EPHA7: variants seen among roughly 807,000 people sequenced by gnomAD.
EPHA7 encodes the protein EPH receptor A7.
A neutral mutation model predicts 112.6 loss-of-function variants in EPHA7; 25 were observed. The observed-to-expected ratio is 0.22, with a 90% confidence interval of 0.16 to 0.31. The LOEUF is 0.31. Ranked by LOEUF, EPHA7 falls within the 10% of genes least tolerant of loss-of-function variation. The pLI, the probability that EPHA7 is intolerant of heterozygous loss-of-function variation, is 1.00. For missense variants in EPHA7, 962 were observed against 1,212.6 expected, an observed-to-expected ratio of 0.79 and a Z score of 3.07; for synonymous variants, 437 against 406.5, an observed-to-expected ratio of 1.07 and a Z score of -0.90.
chr6:93,256,766 T>C (rs345732), intron 12 of EPHA7, among the ~76,000 whole-genome samples: 4,225 of 152,202 alleles, frequency 0.028, 178 homozygotes, highest in African/African-American at 0.096. Flanking sequence ...ATCATGATGA[T>C]GCAGCAATAA....
chr6:93,412,227 T>C (rs1462170791), intron 2 of EPHA7, among the ~76,000 whole-genome samples: 1 of 152,038 alleles, frequency 6.6e-6, no homozygotes, highest in Non-Finnish European at 1.5e-5. Context: ...AAAATTCAAA[T>C]ACAAAACATT....
chr6:93,405,813 G>GTGTGTATATATATA lies in EPHA7; in HGVS notation c.832+4687_832+4688insTATATATATACACA, dbSNP rs1357089640. Among the ~76,000 whole-genome samples the GTGTGTATATATATA allele has an allele frequency of 5.4e-5, 4 of 73,982 alleles. No homozygotes were observed. The East Asian group carries it at 1.8e-3, about 34-fold the overall frequency. The allele number at this position is 73,982 out of a possible 152,430, so 48.5% of individuals were successfully genotyped here. On this transcript the variant is annotated intron_variant, in intron 3 of 16. Coordinates refer to ENST00000369303, the MANE Select transcript of EPHA7 (RefSeq NM_004440.4). ...TGTGTGTGTGTGTGTGTGTGTGTGTGTATATATATATATATATATATATAT... is the reference window on the plus strand; with the variant it reads ...TGTGTGTGTGTGTGTGTGTGTGTGTGTGTGTATATATATATATATATATATATATATATATATAT...
At chr6:93,354,900 A>C (rs573665365) in intron 5 of EPHA7, among the ~76,000 whole-genome samples, 1 of 152,274 alleles carries the variant, frequency 6.6e-6, no homozygotes, top group Non-Finnish European at 1.5e-5. Context: ...ATTCAAAAAT[A>C]AAAATGTCAC....
Position 93,419,439 on chromosome 6 carries a change from T to G in EPHA7, c.-98A>C. ...AGTAGCTTTTGTTTTATTGTGCTCC[T>G]TGCATCGATTCCCCTTCTCGGTCCC... On this transcript the variant is annotated 5_prime_UTR_variant, in exon 1 of 17. Transcript: ENST00000369303. The G allele has an allele frequency of 1.1e-6, 1 of 919,806 alleles. No individual in the cohort carries two copies. Among genetic ancestry groups the G allele is most frequent in the Non-Finnish European group, 1.7e-6 (1 of 600,412 alleles). The allele number at this position is 919,806 out of a possible 1,614,324, so 57.0% of individuals were successfully genotyped here.
intron 5 of EPHA7, among the ~76,000 whole-genome samples, chr6:93,336,128 T>C (rs1264005720): frequency 2.0e-5 from 3 of 152,104 alleles, no homozygotes. Context: ...AGCCTACTGC[T>C]ACCCTACTAC....
At chr6:93,256,098 C>T (rs1453765227) in intron 12 of EPHA7, 61 bp from the exon 13 acceptor site, 3 of 1,471,370 alleles carry the variant, frequency 2.0e-6, no homozygotes, top group Non-Finnish European at 1.9e-6. Context: ...ACAAAAATCA[C>T]CATGAAAAAT....
intron 5 of EPHA7, among the ~76,000 whole-genome samples, chr6:93,345,356 A>G (rs190077298): frequency 2.0e-5 from 3 of 151,880 alleles, no homozygotes; most frequent in Admixed American, 6.6e-5. Context: ...TAAGAACTGC[A>G]TGCTTTAAAG....
At chr6:93,266,856 T>G (rs1770965404) in intron 7 of EPHA7, among the ~76,000 whole-genome samples, 1 of 151,768 alleles carries the variant, frequency 6.6e-6, no homozygotes, top group Non-Finnish European at 1.5e-5. Context: ...TGTGTGTTTC[T>G]GTGCCTCCTT....
At chr6:93,306,270 A>G (rs1244090290) in intron 5 of EPHA7, among the ~76,000 whole-genome samples, 2 of 151,996 alleles carry the variant, frequency 1.3e-5, no homozygotes, top group African/African-American at 4.8e-5. Flanking sequence ...TTTACATTTT[A>G]TCTCACTTAA....
chr6:93,367,962 A>G (rs1776597961), intron 3 of EPHA7, among the ~76,000 whole-genome samples: 1 of 152,112 alleles, frequency 6.6e-6, no homozygotes, highest in Non-Finnish European at 1.5e-5. Context: ...TAAGAAATAC[A>G]AATTAGTTAT....
intron 3 of EPHA7, among the ~76,000 whole-genome samples, chr6:93,377,475 A>G (rs975800554): frequency 6.6e-6 from 1 of 152,036 alleles, no homozygotes; most frequent in Non-Finnish European, 1.5e-5. Flanking sequence ...GGTTTTCTTC[A>G]AAGTTCCCTA....
rs781137886 is a variant in EPHA7 at position 93,246,773 on chromosome 6, T to A, written c.2726+19A>T. On this transcript the variant is annotated intron_variant, in intron 15 of 16. Transcript: ENST00000369303. ...TATTGTAATTTCTCCCAGATTCCATTCCCTTAGGCATTTCTTACCTACTAC... is the reference window on the plus strand; with the variant it reads ...TATTGTAATTTCTCCCAGATTCCATACCCTTAGGCATTTCTTACCTACTAC... 6.4e-7 allele frequency: 1 copy of A among 1,571,278 alleles called. No homozygotes were observed. Among genetic ancestry groups the A allele is most frequent in the African/African-American group, 1.4e-5 (1 of 73,952 alleles).
In EPHA7 at chr6:93,257,461, C is replaced by T; in HGVS notation, c.2172+1G>A. 1.2e-6 allele frequency: 2 copies of T among 1,606,600 alleles called. No homozygotes were observed. The highest frequency in any genetic ancestry group is 1.7e-6 in the Non-Finnish European group (2 of 1,174,666). Reference sequence around the variant, plus strand: ...AATAAGTGGATCACTTTGGTACTTACCCTGAGAAATGCATCTAGGGCTCCA... The same window carrying T: ...AATAAGTGGATCACTTTGGTACTTATCCTGAGAAATGCATCTAGGGCTCCA... On this transcript the variant is annotated splice_donor_variant, in intron 12 of 16. Transcript: ENST00000369303. LOFTEE classifies it high-confidence loss of function.
chr6:93,303,753 T>G (rs1164607298), intron 5 of EPHA7, among the ~76,000 whole-genome samples: 1 of 152,118 alleles, frequency 6.6e-6, no homozygotes, highest in African/African-American at 2.4e-5. Context: ...TATAAAATGA[T>G]AGGTGAAGTT....
intron 3 of EPHA7, among the ~76,000 whole-genome samples, chr6:93,387,948 T>C (rs968839288): frequency 1.5e-4 from 22 of 151,642 alleles, no homozygotes; most frequent in African/African-American, 3.6e-4. Context: ...GATAGATAGA[T>C]AGATAGATAG....
At chr6:93,383,876 C>A (rs1777472660) in intron 3 of EPHA7, among the ~76,000 whole-genome samples, 1 of 152,032 alleles carries the variant, frequency 6.6e-6, no homozygotes. Context: ...TTTGTACAGA[C>A]AAGGTCTTGC....
intron 3 of EPHA7, among the ~76,000 whole-genome samples, chr6:93,360,827 T>G (rs1776226047): frequency 6.6e-6 from 1 of 152,060 alleles, no homozygotes; most frequent in Non-Finnish European, 1.5e-5. Flanking sequence ...TTGTCTAGGA[T>G]AAAACTGGAT....
intron 3 of EPHA7, among the ~76,000 whole-genome samples, chr6:93,370,735 G>A (rs1776747091): frequency 6.6e-6 from 1 of 151,860 alleles, no homozygotes; most frequent in South Asian, 2.1e-4. Context: ...ACCTATGGAG[G>A]GGCACGACAA....
chr6:93,294,051 G>A (rs1036297680), intron 5 of EPHA7, among the ~76,000 whole-genome samples: 2 of 152,030 alleles, frequency 1.3e-5, no homozygotes, highest in Non-Finnish European at 1.5e-5. Flanking sequence ...TTTATGGGAC[G>A]GGAAAGATAA....
Sources: allele counts gnomAD v4.1 joint callset (sites outside exome capture counted in the v4.1 genomes callset), GRCh38; gene constraint gnomAD v4.1.1; transcripts MANE v1.5; gene names NCBI Gene and HGNC (gene_info 2026-07-23, HGNC 2026-07-21).